The following PUS10 variants were observed in gnomAD, a reference collection of about 807,000 sequenced individuals.
The protein encoded by PUS10 is tRNA pseudouridine synthase Pus10.
A neutral mutation model predicts 75.0 loss-of-function variants in PUS10; 59 were observed. That is an observed-to-expected ratio of 0.79 (90% confidence interval 0.64 to 0.98). PUS10 has a LOEUF of 0.98. Among genes scored for constraint, PUS10 ranks in the 50% least tolerant of loss-of-function variants. PUS10 has a pLI of 0.00. For synonymous variants in PUS10, 219 were observed against 211.6 expected (o/e 1.03, Z -0.30); for missense variants, 650 against 614.4 (o/e 1.06, Z -0.61).
At chr2:61,014,241 G>A (rs1200132993) in intron 1 of PUS10, among the ~76,000 whole-genome samples, 1 of 152,060 alleles carries the variant, frequency 6.6e-6, no homozygotes, top group Non-Finnish European at 1.5e-5. Context: ...AGCCAGGTGT[G>A]TTGGCGTGTG....
chr2:60,946,359 G>A (rs778267095), intron 16 of PUS10, among the ~76,000 whole-genome samples: 1 of 152,098 alleles, frequency 6.6e-6, no homozygotes, highest in Non-Finnish European at 1.5e-5. Flanking sequence ...TAACCATGTG[G>A]CATCTAAAGC....
intron 4 of PUS10, among the ~76,000 whole-genome samples, chr2:60,977,506 A>C (rs7608697): frequency 0.43 from 65,534 of 152,048 alleles, 15,844 homozygotes; most frequent in African/African-American, 0.64. Context: ...AACATTTGAT[A>C]TTTGAATCTT....
Position 60,967,725 on chromosome 2 carries a change from A to C in PUS10, c.504-112T>G, listed in dbSNP as rs989456873. On this transcript the variant is annotated intron_variant, in intron 5 of 17. Coordinates refer to ENST00000316752, the MANE Select transcript of PUS10 (RefSeq NM_144709.4). ...ATTGATTGAGTGCCTAGTATGTACCAGGCACTATTCTACACATTAAATAGA... is the reference window on the plus strand; with the variant it reads ...ATTGATTGAGTGCCTAGTATGTACCCGGCACTATTCTACACATTAAATAGA... The C allele has an allele frequency of 8.8e-6, 6 of 685,470 alleles. No homozygotes were observed. In the East Asian group the frequency reaches 1.7e-4, roughly 19 times the overall value. 42.5% of individuals were successfully genotyped at this position (685,470 alleles called of 1,614,324 possible).
chr2:61,010,921 C>T (rs986094755), intron 2 of PUS10: 41 of 1,543,358 alleles, frequency 2.7e-5, no homozygotes, highest in Admixed American at 1.6e-4. Context: ...TATGTACTTA[C>T]CTAATCAGTT....
chr2:60,948,665 T>G (rs1675143079), intron 15 of PUS10, among the ~76,000 whole-genome samples: 1 of 152,200 alleles, frequency 6.6e-6, no homozygotes, highest in African/African-American at 2.4e-5. Context: ...GGGTGACATT[T>G]CAATATAATA....
chr2:60,982,463 A>G (rs945335044), intron 4 of PUS10, among the ~76,000 whole-genome samples: 2 of 152,104 alleles, frequency 1.3e-5, no homozygotes, highest in African/African-American at 2.4e-5. Context: ...GGGTTTTGCA[A>G]TGTTGGCCAG....
At chr2:60,949,248 T>A (rs1573383676) in intron 15 of PUS10, among the ~76,000 whole-genome samples, 1 of 151,818 alleles carries the variant, frequency 6.6e-6, no homozygotes, top group East Asian at 1.9e-4. Context: ...AAAAAAAAAA[T>A]ACATAAATAA....
chr2:60,947,848 A>AT (rs1468769993), intron 16 of PUS10, among the ~76,000 whole-genome samples, 195 bp downstream of exon 16: 38 of 150,844 alleles, frequency 2.5e-4, no homozygotes, highest in African/African-American at 8.5e-4. Context: ...AAAAAAAAAA[A>AT]AAGAAAAGAA....
At chr2:61,000,265 A>G (rs1282734358) in intron 4 of PUS10, among the ~76,000 whole-genome samples, 1 of 152,214 alleles carries the variant, frequency 6.6e-6, no homozygotes, top group African/African-American at 2.4e-5. Flanking sequence ...CCACTGAATC[A>G]TCTATTCTCA....
intron 15 of PUS10, among the ~76,000 whole-genome samples, 161 bp downstream of exon 15, chr2:60,952,836 C>A (rs1194911367): frequency 6.6e-6 from 1 of 152,192 alleles, no homozygotes; most frequent in Non-Finnish European, 1.5e-5. Flanking sequence ...ATGAACTGCC[C>A]AGTCCTTCAG....
chr2:60,950,891 A>T (rs940421814), intron 15 of PUS10, among the ~76,000 whole-genome samples: 3 of 152,140 alleles, frequency 2.0e-5, no homozygotes, highest in African/African-American at 7.2e-5. Context: ...AGGACAGTTC[A>T]GTATATTTTA....
At position 60,982,414 on chromosome 2, in the gene PUS10, C is replaced by T. The variant is rs1224865225; in HGVS notation, c.469-10857G>A. Among the ~76,000 whole-genome samples, 4 of 152,016 alleles carry T rather than the reference C, an allele frequency of 2.6e-5. No individual in the cohort carries two copies. The East Asian group carries it at 7.7e-4, about 29-fold the overall frequency. On this transcript the variant is annotated intron_variant, in intron 4 of 17. Coordinates refer to ENST00000316752, the MANE Select transcript of PUS10 (RefSeq NM_144709.4). The stretch of plus-strand genomic sequence containing the variant: ...AGTAGCTGGGATTACAGGTGTGCAC[C>T]ACCACACCCAGCTAATTTTTGTATT...
At chr2:60,995,274 A>G (rs1678376855) in intron 4 of PUS10, among the ~76,000 whole-genome samples, 1 of 152,196 alleles carries the variant, frequency 6.6e-6, no homozygotes, top group South Asian at 2.1e-4. Flanking sequence ...TGCCATGAAG[A>G]TATTCAATAA....
intron 9 of PUS10, 59 bp from the exon 10 acceptor site, chr2:60,961,607 T>C (rs1313355916): frequency 1.4e-6 from 2 of 1,413,426 alleles, no homozygotes; most frequent in Admixed American, 1.7e-5. Context: ...ATCACAAAAC[T>C]TAGATGAATC....
intron 1 of PUS10, among the ~76,000 whole-genome samples, chr2:61,012,762 A>G (rs1489746877): frequency 7.6e-6 from 1 of 131,218 alleles, no homozygotes; most frequent in East Asian, 2.6e-4. Flanking sequence ...TGAACCTGGG[A>G]GGTGGAGGTT....
chr2:60,954,945 G>T, intron 12 of PUS10, 73 bp downstream of exon 12: 1 of 1,018,098 alleles, frequency 9.8e-7, no homozygotes. Flanking sequence ...GAGTGACTAT[G>T]CTAAGCCTGC....
chr2:60,945,884 T>C (rs1179614307), intron 16 of PUS10, among the ~76,000 whole-genome samples: 1 of 152,248 alleles, frequency 6.6e-6, no homozygotes, highest in African/African-American at 2.4e-5. Flanking sequence ...TGCAGCATTA[T>C]GTTTTGTTCT....
At position 60,940,500 on chromosome 2, in the gene PUS10, T is replaced by TA. The variant is rs1373991174; in HGVS notation, c.*1894dup. On this transcript the variant is annotated 3_prime_UTR_variant, in exon 18 of 18. Coordinates refer to ENST00000316752, the MANE Select transcript of PUS10 (RefSeq NM_144709.4). Reference sequence around the variant, plus strand: ...TCCAGTTCTGCCTAAAACAAAGACATACATTAATTTTTAACAATCTTTGTC... The same window carrying TA: ...TCCAGTTCTGCCTAAAACAAAGACATAACATTAATTTTTAACAATCTTTGTC... 1 of 152,334 alleles carries TA rather than the reference T, an allele frequency of 6.6e-6. No homozygotes were observed. Among genetic ancestry groups the TA allele is most frequent in the Non-Finnish European group, 1.5e-5 (1 of 68,008 alleles). 9.4% of individuals were successfully genotyped at this position (152,334 alleles called of 1,614,324 possible). A position where few individuals can be genotyped will look rare whatever the true frequency, so the allele number is the denominator to read the frequency against.
chr2:60,946,815 CATAT>C (rs889578702), intron 16 of PUS10, among the ~76,000 whole-genome samples: 1 of 143,966 alleles, frequency 6.9e-6, no homozygotes, highest in Non-Finnish European at 1.5e-5. Flanking sequence ...GCTTTTTTCC[CATAT>C]ATATATATCT....
Sources: allele counts gnomAD v4.1 joint callset (sites outside exome capture counted in the v4.1 genomes callset), GRCh38; gene constraint gnomAD v4.1.1; transcripts MANE v1.5; gene names NCBI Gene and HGNC (gene_info 2026-07-23, HGNC 2026-07-21).